The following GNG7 variants were observed in gnomAD, a reference collection of about 807,000 sequenced individuals.
The protein encoded by GNG7 is G protein subunit gamma 7.
Under a neutral mutation model 4.0 loss-of-function variants are expected in GNG7, and 1 was observed. The ratio of observed to expected loss-of-function variants is 0.25; its 90% CI spans 0.09 to 1.18. The LOEUF is 1.18. GNG7 is among the 50% of genes most tolerant of loss of function. The probability of loss-of-function intolerance (pLI) is 0.50; values close to 1 mark genes in which losing one functional copy is unlikely to be tolerated. For missense variants in GNG7, 86 were observed against 91.9 expected, an observed-to-expected ratio of 0.94 and a Z score of 0.26; for synonymous variants, 34 against 36.9, an observed-to-expected ratio of 0.92 and a Z score of 0.29.
intron 1 of GNG7, among the ~76,000 whole-genome samples, chr19:2,674,851 A>C (rs1013482693): frequency 1.3e-5 from 2 of 152,198 alleles, no homozygotes; most frequent in African/African-American, 4.8e-5. Context: ...TCCACCCTCG[A>C]CAGCGCCGAC....
intron 4 of GNG7, among the ~76,000 whole-genome samples, chr19:2,518,599 C>T (rs895313414): frequency 1.3e-5 from 2 of 152,020 alleles, no homozygotes; most frequent in African/African-American, 2.4e-5. Context: ...CCAGCAGGGA[C>T]GACTCTGTCC....
chr19:2,628,789 G>T (rs1982084549), intron 2 of GNG7, among the ~76,000 whole-genome samples: 1 of 152,088 alleles, frequency 6.6e-6, no homozygotes, highest in African/African-American at 2.4e-5. Flanking sequence ...ATGAGGTCAG[G>T]CCCACCCAGG....
chr19:2,577,147 T>C (rs1433817642), intron 2 of GNG7, among the ~76,000 whole-genome samples: 2 of 152,190 alleles, frequency 1.3e-5, no homozygotes, highest in African/African-American at 2.4e-5. Context: ...GCGTAACCAA[T>C]TGCCATCCAT....
chr19:2,579,362 G>A (rs904433575), intron 2 of GNG7, among the ~76,000 whole-genome samples: 7 of 152,238 alleles, frequency 4.6e-5, no homozygotes, highest in Non-Finnish European at 1.0e-4. Context: ...GGGCAGGAGG[G>A]CAGGCACCTG....
Position 2,511,922 on chromosome 19 carries a change from G to A in GNG7, c.*3100C>T, listed in dbSNP as rs531333624. 1.5e-4 allele frequency: 144 copies of A among 986,204 alleles called. 1 individual carries two copies. Among genetic ancestry groups the A allele is most frequent in the Middle Eastern group, 5.2e-4 (1 of 1,914 alleles). The allele number at this position is 986,204 out of a possible 1,614,324, so 61.1% of individuals were successfully genotyped here. ...AGGGCAGGGGAGGCGGAGCTGGTCCGGGAAGGTGCCCAGGTGGGTCACAAC... is the reference window on the plus strand; with the variant it reads ...AGGGCAGGGGAGGCGGAGCTGGTCCAGGAAGGTGCCCAGGTGGGTCACAAC... On this transcript the variant is annotated 3_prime_UTR_variant, in exon 5 of 5. Transcript: ENST00000382159. The surrounding 1 kb of genome is among the most constrained non-coding windows in gnomAD (Gnocchi z 6.3).
chr19:2,670,364 G>A (rs899744580), intron 1 of GNG7, among the ~76,000 whole-genome samples: 11 of 152,208 alleles, frequency 7.2e-5, no homozygotes, highest in Non-Finnish European at 5.9e-5. Flanking sequence ...CGCGGGAGCC[G>A]TGCTGTCACC....
intron 2 of GNG7, among the ~76,000 whole-genome samples, chr19:2,619,986 T>A (rs913330561): frequency 2.7e-5 from 4 of 150,780 alleles, no homozygotes; most frequent in Non-Finnish European, 5.9e-5. Flanking sequence ...TCACCTGAGG[T>A]CGGGAGTTCA....
In GNG7 at chr19:2,513,737, A is replaced by G. The variant is rs1359983130; in HGVS notation, c.*1285T>C. On this transcript the variant is annotated 3_prime_UTR_variant, in exon 5 of 5. Coordinates refer to ENST00000382159, the MANE Select transcript of GNG7 (RefSeq NM_052847.3). Reference sequence around the variant, plus strand: ...AGTCCTTCAGAGTCACTCCAAGATCATGGAACAATTTTGTACACACAGCAG... The same window carrying G: ...AGTCCTTCAGAGTCACTCCAAGATCGTGGAACAATTTTGTACACACAGCAG... The G allele has an allele frequency of 5.2e-6, 1 of 191,386 alleles. No individual in the cohort carries two copies. The highest frequency in any genetic ancestry group is 2.4e-5 in the African/African-American group (1 of 42,138). The allele number at this position is 191,386 out of a possible 1,614,324, so 11.9% of individuals were successfully genotyped here. A position where few individuals can be genotyped will look rare whatever the true frequency, so the allele number is the denominator to read the frequency against.
intron 3 of GNG7, among the ~76,000 whole-genome samples, chr19:2,540,940 G>A (rs565034783): frequency 8.9e-4 from 135 of 152,354 alleles, no homozygotes; most frequent in African/African-American, 3.0e-3. Context: ...AGCCGCCGCC[G>A]CCAGGGCCAT....
In GNG7 at chr19:2,557,143, C is replaced by T. The variant is rs1167869921; in HGVS notation, c.-77-1955G>A. 2.6e-5 allele frequency among the ~76,000 whole-genome samples: 4 copies of T among 151,288 alleles called. No individual in the cohort carries two copies. The highest frequency in any genetic ancestry group is 2.9e-5 in the Non-Finnish European group (2 of 67,894). On this transcript the variant is annotated intron_variant, in intron 2 of 4. Transcript: ENST00000382159. The surrounding 1 kb of genome is among the most constrained non-coding windows in gnomAD (Gnocchi z 5.1). ...CGTACACACGTGTACTGCACACTCA[C>T]GCACATGCACACAAAGACACGCGCA...
Position 2,520,663 on chromosome 19 carries a change from T to C in GNG7, c.26A>G (p.Gln9Arg). Residue 9 changes from glutamine to arginine, a missense_variant, in exon 4 of 5, where the codon CAG (glutamine) becomes CGG (arginine). Transcript: ENST00000382159. ...TAGCTGTTCCACCAGCTTCCGGGCC[T>C]GGGCTATGTTGTTAGTGGCTGACAT... MSATNNIA[Q>R]ARKLVEQLRI... 3 of 1,550,568 alleles carry C rather than the reference T, an allele frequency of 1.9e-6. No individual in the cohort carries two copies. Among genetic ancestry groups the C allele is most frequent in the Non-Finnish European group, 2.6e-6 (3 of 1,144,274 alleles).
At position 2,605,662 on chromosome 19, in the gene GNG7, C is replaced by CCT. The variant is rs1599417777; in HGVS notation, c.-78+40561_-78+40562insAG. ...CCGAGTAGCTGGGATTACAGGCATG[C>CCT]GCCACCACACCCAGCTAATTTTTGT... On this transcript the variant is annotated intron_variant, in intron 2 of 4. Coordinates refer to ENST00000382159, the MANE Select transcript of GNG7 (RefSeq NM_052847.3). 2.7e-5 allele frequency among the ~76,000 whole-genome samples: 4 copies of CCT among 150,688 alleles called. No homozygotes were observed. The East Asian group carries it at 7.9e-4, about 30-fold the overall frequency.
chr19:2,540,486 C>T (rs1194218885), intron 3 of GNG7, among the ~76,000 whole-genome samples: 1 of 152,214 alleles, frequency 6.6e-6, no homozygotes, highest in African/African-American at 2.4e-5. Context: ...GGACCCTTAG[C>T]CCGACGGCGT....
chr19:2,656,432 T>A (rs1024051624), intron 1 of GNG7, among the ~76,000 whole-genome samples: 1 of 152,074 alleles, frequency 6.6e-6, no homozygotes, highest in Non-Finnish European at 1.5e-5. Flanking sequence ...CGAAACCCTG[T>A]CTCTACTAAA....
Position 2,515,087 on chromosome 19 carries a change from G to A in GNG7, c.142C>T (p.Leu48=), listed in dbSNP as rs1401221226. Residue 48 remains leucine (L), a synonymous_variant, in exon 5 of 5, where the codon CTG becomes TTG. Transcript: ENST00000382159. ...YCEQHARNDP[L]LVGVPASENP... is the part of the protein sequence containing the mutation. ...TCCGAGGCAGGGACTCCGACCAGCAGGGGGTCGTTCCGGGCATGTTGCTCA... is the reference window on the plus strand; with the variant it reads ...TCCGAGGCAGGGACTCCGACCAGCAAGGGGTCGTTCCGGGCATGTTGCTCA... 1 of 1,613,966 alleles carries A rather than the reference G, an allele frequency of 6.2e-7. No individual in the cohort carries two copies. The highest frequency in any genetic ancestry group is 1.7e-5 in the Admixed American group (1 of 60,004).
intron 1 of GNG7, among the ~76,000 whole-genome samples, chr19:2,673,278 C>CAA (rs1279263990): frequency 7.9e-6 from 1 of 125,974 alleles, no homozygotes; most frequent in Non-Finnish European, 1.7e-5. Flanking sequence ...CAAAACAAAA[C>CAA]AAAACAAAAC....
Position 2,620,233 on chromosome 19 carries a change from AGGG to A in GNG7, c.-78+25988_-78+25990del, listed in dbSNP as rs1568265003. On this transcript the variant is annotated intron_variant, in intron 2 of 4. Transcript: ENST00000382159. ...AACAGAAAAGAAAAGAGGAGAGGGG[AGGG>A]GAGGGGAGGGGAGGGGAGGGGAGGG... is the stretch of plus-strand genomic sequence containing the variant. Among the ~76,000 whole-genome samples, 149 of 37,752 alleles carry A rather than the reference AGGG, an allele frequency of 3.9e-3. 5 individuals carry two copies. The highest frequency in any genetic ancestry group is 0.013 in the African/African-American group (121 of 9,670). The allele number at this position is 37,752 out of a possible 152,430, so 24.8% of individuals were successfully genotyped here. A position where few individuals can be genotyped will look rare whatever the true frequency, so the allele number is the denominator to read the frequency against.
intron 2 of GNG7, among the ~76,000 whole-genome samples, chr19:2,605,725 CA>C (rs1568260519): frequency 6.7e-6 from 1 of 150,296 alleles, no homozygotes; most frequent in East Asian, 2.0e-4. Context: ...TGTTGGCCAG[CA>C]TGGTCTCGAT....
At chr19:2,690,350 C>G (rs1378208778) in intron 1 of GNG7, among the ~76,000 whole-genome samples, 1 of 152,056 alleles carries the variant, frequency 6.6e-6, no homozygotes, top group Admixed American at 6.6e-5. Flanking sequence ...CACTGCACTC[C>G]AACCTAGGTG....
Sources: allele counts gnomAD v4.1 joint callset (sites outside exome capture counted in the v4.1 genomes callset), GRCh38; gene constraint gnomAD v4.1.1; non-coding constraint Gnocchi (gnomAD v3.1); transcripts MANE v1.5; gene names NCBI Gene and HGNC (gene_info 2026-07-23, HGNC 2026-07-21).